CARMIL1: variants seen among roughly 807,000 people sequenced by gnomAD.
The protein encoded by CARMIL1 is F-actin-uncapping protein LRRC16A.
CARMIL1 carries 90 observed loss-of-function variants against 177.1 expected under a neutral mutation model. That is an observed-to-expected ratio of 0.51 (90% CI 0.43 to 0.61). The LOEUF (loss-of-function observed/expected upper bound fraction) is 0.61. CARMIL1 is among the 20% of genes least tolerant of loss of function. The pLI is 0.00. For missense variants in CARMIL1, 1,380 were observed against 1,667.0 expected (o/e 0.83, Z 3.00); for synonymous variants, 577 against 606.2 (o/e 0.95, Z 0.71).
chr6:25,349,029 A>C (rs76725563), intron 2 of CARMIL1, among the ~76,000 whole-genome samples: 7,918 of 152,252 alleles, frequency 0.052, 275 homozygotes, highest in Non-Finnish European at 0.087. Context: ...TGGTGAATTT[A>C]AATTTGACAG....
chr6:25,353,726 A>G (rs560162758), intron 2 of CARMIL1, among the ~76,000 whole-genome samples: 3 of 152,166 alleles, frequency 2.0e-5, no homozygotes, highest in Non-Finnish European at 4.4e-5. Flanking sequence ...ATTCTTCAAC[A>G]TACTTAGCAT....
chr6:25,369,380 T>C (rs1790173360), intron 2 of CARMIL1, among the ~76,000 whole-genome samples: 2 of 20,094 alleles, frequency 1.0e-4, no homozygotes, highest in African/African-American at 1.4e-4. Flanking sequence ...CTGTATTTTG[T>C]TTTTTTTTTT....
At chr6:25,463,795 A>G (rs949134086) in intron 8 of CARMIL1, among the ~76,000 whole-genome samples, 2 of 151,696 alleles carry the variant, frequency 1.3e-5, no homozygotes, top group African/African-American at 4.8e-5. Context: ...AGACCATAAA[A>G]TAACTATTGA....
intron 29 of CARMIL1, among the ~76,000 whole-genome samples, chr6:25,578,453 T>C (rs918478603): frequency 2.0e-5 from 3 of 152,302 alleles, no homozygotes; most frequent in African/African-American, 7.2e-5. Context: ...ATAATTATAG[T>C]ACATTGTTAT....
At chr6:25,438,748 G>A (rs1797455596) in intron 5 of CARMIL1, among the ~76,000 whole-genome samples, 1 of 152,194 alleles carries the variant, frequency 6.6e-6, no homozygotes, top group African/African-American at 2.4e-5. Flanking sequence ...TGTAGTTGAT[G>A]TAGAGCCTCG....
intron 5 of CARMIL1, among the ~76,000 whole-genome samples, chr6:25,442,025 G>A (rs555567145): frequency 1.3e-5 from 2 of 152,116 alleles, no homozygotes; most frequent in South Asian, 4.2e-4. Flanking sequence ...CTGTGTTTTG[G>A]TAGTCTCTTC....
intron 1 of CARMIL1, among the ~76,000 whole-genome samples, chr6:25,283,940 A>C (rs183184923): frequency 6.6e-6 from 1 of 150,520 alleles, no homozygotes; most frequent in Non-Finnish European, 1.5e-5. Flanking sequence ...CTGGTCTTGA[A>C]CTCCTGGCCT....
chr6:25,366,150 G>C (rs547400456), intron 2 of CARMIL1, among the ~76,000 whole-genome samples: 2 of 150,440 alleles, frequency 1.3e-5, no homozygotes, highest in South Asian at 4.3e-4. Flanking sequence ...GTACTACCAT[G>C]CCTGGCTAAT....
At chr6:25,604,937 C>T (rs1447582359) in intron 34 of CARMIL1, 44 bp downstream of exon 34, 4 of 1,459,388 alleles carry the variant, frequency 2.7e-6, no homozygotes, top group Non-Finnish European at 3.7e-6. Context: ...AAAGCGCTTA[C>T]CTTCTGATTG....
intron 2 of CARMIL1, among the ~76,000 whole-genome samples, chr6:25,349,488 G>T (rs1787889394): frequency 6.6e-6 from 1 of 152,204 alleles, no homozygotes; most frequent in African/African-American, 2.4e-5. Flanking sequence ...CTACAGACGG[G>T]TGGCCCTGTG....
Position 25,291,561 on chromosome 6 carries a change from G to A in CARMIL1, c.138+6652G>A, listed in dbSNP as rs182761104. ...CCTGTGCCATAGTCACTTTTCAGAC[G>A]GATATTCATGCTGAAATTTGTGTTC... On this transcript the variant is annotated intron_variant, in intron 2 of 36. Transcript: ENST00000329474. 6.6e-5 allele frequency among the ~76,000 whole-genome samples: 10 copies of A among 152,220 alleles called. No individual in the cohort carries two copies. The South Asian group carries it at 1.0e-3, about 16-fold the overall frequency.
At chr6:25,396,310 A>T (rs9467485) in intron 2 of CARMIL1, among the ~76,000 whole-genome samples, 1 of 151,554 alleles carries the variant, frequency 6.6e-6, no homozygotes, top group African/African-American at 2.4e-5. Context: ...GACCTTCACC[A>T]GAAGCAAAAC....
intron 2 of CARMIL1, among the ~76,000 whole-genome samples, chr6:25,330,212 A>G (rs1391290607): frequency 2.6e-5 from 4 of 152,168 alleles, no homozygotes; most frequent in African/African-American, 9.7e-5. Context: ...GTACTGTGCG[A>G]TTATAGACTG....
At chr6:25,408,012 G>A (rs1794541985) in intron 2 of CARMIL1, among the ~76,000 whole-genome samples, 1 of 152,152 alleles carries the variant, frequency 6.6e-6, no homozygotes, top group Non-Finnish European at 1.5e-5. Context: ...CACACTGTGA[G>A]GGCCAGGTGT....
At chr6:25,396,411 G>A (rs1793398907) in intron 2 of CARMIL1, among the ~76,000 whole-genome samples, 1 of 150,286 alleles carries the variant, frequency 6.7e-6, no homozygotes, top group Non-Finnish European at 1.5e-5. Context: ...ACCCAGGCTG[G>A]AGTGCAGTGG....
chr6:25,392,062 G>A (rs759670675), intron 2 of CARMIL1, among the ~76,000 whole-genome samples: 1 of 43,542 alleles, frequency 2.3e-5, no homozygotes, highest in Non-Finnish European at 4.4e-5. Flanking sequence ...GCATGTGTGT[G>A]TGTGTGTGTG....
intron 2 of CARMIL1, among the ~76,000 whole-genome samples, chr6:25,296,924 T>TCTATCTATCTATCTATCTATCTATCTAA (rs377456616): frequency 1.6e-5 from 1 of 64,430 alleles, no homozygotes; most frequent in Non-Finnish European, 3.3e-5. Context: ...TATCTATCTA[T>TCTATCTATCTATCTATCTATCTATCTAA]CTATCTATCT....
At chr6:25,307,124 G>A (rs951884904) in intron 2 of CARMIL1, among the ~76,000 whole-genome samples, 14 of 151,976 alleles carry the variant, frequency 9.2e-5, no homozygotes, top group Non-Finnish European at 1.8e-4. Flanking sequence ...CAGGTGATCC[G>A]CCTGCCTTGG....
chr6:25,433,001 G>A (rs1335050578), intron 4 of CARMIL1: 1 of 152,222 alleles, frequency 6.6e-6, no homozygotes, highest in Non-Finnish European at 1.5e-5. Flanking sequence ...CCCAGCTGAA[G>A]TGGGAGGGAA....
Sources: gnomAD v4.1 joint callset for allele counts (sites outside exome capture counted in the v4.1 genomes callset) on GRCh38, gnomAD v4.1.1 for gene constraint, MANE v1.5 for transcripts, NCBI Gene and HGNC (gene_info 2026-07-23, HGNC 2026-07-21) for gene names.